STARD9: variants seen among roughly 807,000 people sequenced by gnomAD.
The protein encoded by STARD9 is StAR related lipid transfer domain containing 9.
STARD9 carries 346 observed loss-of-function variants against 399.8 expected under a neutral mutation model. That is an observed-to-expected ratio of 0.87 (90% CI 0.79 to 0.95). STARD9 has a LOEUF of 0.95. Ranked by LOEUF, STARD9 falls within the 40% of genes least tolerant of loss-of-function variation. The probability of loss-of-function intolerance (pLI) is 0.00; values close to 1 mark genes in which losing one functional copy is unlikely to be tolerated. For synonymous variants in STARD9, 2,203 were observed against 2,143.5 expected (o/e 1.03, Z -0.77); for missense variants, 5,832 against 5,667.5 (o/e 1.03, Z -0.93).
rs140844877 is a variant in STARD9, at chr15:42,624,594, G to C, written c.235-10262G>C. Among the ~76,000 whole-genome samples, 538 of 151,664 alleles carry C rather than the reference G, an allele frequency of 3.5e-3. 2 individuals carry two copies. Among genetic ancestry groups the C allele is most frequent in the Non-Finnish European group, 5.8e-3 (396 of 67,932 alleles). ...GACAGAGTCTCCCTCTGTCATCCAG[G>C]CTGGAGTGCAGTGACGCAATCTTGG... On this transcript the variant is annotated intron_variant, in intron 3 of 32. Coordinates refer to ENST00000290607, the MANE Select transcript of STARD9 (RefSeq NM_020759.3).
In STARD9 at chr15:42,663,638, T is replaced by G. The variant is rs2060032346; in HGVS notation, c.1078+148T>G. On this transcript the variant is annotated intron_variant, in intron 12 of 32. Transcript: ENST00000290607. The stretch of plus-strand genomic sequence containing the variant: ...GAGAAAGGGCCATGGCCCCAGTGAG[T>G]GGGATGCCAGAGCTGGATCTGTGTT... The G allele has an allele frequency of 6.5e-6, 4 of 614,592 alleles. No homozygotes were observed. In the South Asian group the frequency reaches 7.9e-5, roughly 12 times the overall value. The allele number at this position is 614,592 out of a possible 1,614,324, so 38.1% of individuals were successfully genotyped here.
chr15:42,619,698 A>G (rs1366297388), intron 3 of STARD9, among the ~76,000 whole-genome samples: 4 of 152,220 alleles, frequency 2.6e-5, no homozygotes, highest in African/African-American at 4.8e-5. Context: ...GAAGTGAGCA[A>G]TGGGAGAGTA....
chr15:42,620,688 C>T (rs2059073357), intron 3 of STARD9, among the ~76,000 whole-genome samples: 1 of 152,052 alleles, frequency 6.6e-6, no homozygotes, highest in Admixed American at 6.6e-5. Context: ...GATCTTAACA[C>T]TTACGAAGAT....
At chr15:42,628,918 T>C (rs548883046) in intron 3 of STARD9, among the ~76,000 whole-genome samples, 1 of 152,218 alleles carries the variant, frequency 6.6e-6, no homozygotes, top group Admixed American at 6.5e-5. Context: ...CTGGGTCTTC[T>C]GTGGTTCAAT....
intron 3 of STARD9, among the ~76,000 whole-genome samples, chr15:42,599,903 T>A (rs1360063501): frequency 6.6e-6 from 1 of 152,214 alleles, no homozygotes; most frequent in Admixed American, 6.5e-5. Flanking sequence ...TTAAGTGTTA[T>A]AATCGTACTT....
chr15:42,594,605 G>A (rs902284341), intron 3 of STARD9, among the ~76,000 whole-genome samples: 1 of 152,176 alleles, frequency 6.6e-6, no homozygotes, highest in Non-Finnish European at 1.5e-5. Context: ...CAGATTGAAG[G>A]TCTAGAGAGA....
intron 3 of STARD9, among the ~76,000 whole-genome samples, chr15:42,601,374 A>G (rs1433866563): frequency 6.6e-6 from 1 of 151,944 alleles, no homozygotes; most frequent in African/African-American, 2.4e-5. Context: ...TCAGTGAGCT[A>G]TTGGGTACAC....
chr15:42,666,597 G>A (rs1396947944), intron 15 of STARD9, among the ~76,000 whole-genome samples: 1 of 152,156 alleles, frequency 6.6e-6, no homozygotes, highest in Non-Finnish European at 1.5e-5. Context: ...TGAACTTGGT[G>A]TAAACAGGAT....
chr15:42,645,920 G>A (rs888893096), intron 7 of STARD9, among the ~76,000 whole-genome samples: 5 of 152,014 alleles, frequency 3.3e-5, no homozygotes, highest in Non-Finnish European at 5.9e-5. Context: ...AGCACTTTGG[G>A]AGGTTGAGGT....
chr15:42,582,216 A>G (rs1404030435), intron 1 of STARD9, among the ~76,000 whole-genome samples: 2 of 152,212 alleles, frequency 1.3e-5, no homozygotes, highest in Non-Finnish European at 2.9e-5. Context: ...CCTCTAGGTC[A>G]TAGCCTGGGA....
Position 42,685,856 on chromosome 15 carries a change from G to A in STARD9, c.4278G>A (p.Trp1426Ter), listed in dbSNP as rs1256675837. The A allele has an allele frequency of 1.3e-6, 2 of 1,537,104 alleles. No individual in the cohort carries two copies. The highest frequency in any genetic ancestry group is 2.0e-5 in the Admixed American group (1 of 51,004). ...SAADTSRLSL[W>*]GIQRLIQPGA... is the part of the protein sequence containing the mutation. The stretch of plus-strand genomic sequence containing the variant: ...CTGATACGTCTAGGCTGTCTCTCTG[G>A]GGAATTCAAAGGCTTATTCAACCAG... Residue 1426 changes from tryptophan (W) to a stop codon, truncating the protein, a stop_gained, in exon 23 of 33, where the codon TGG (tryptophan) becomes TGA (stop). Coordinates refer to ENST00000290607, the MANE Select transcript of STARD9 (RefSeq NM_020759.3). LOFTEE classifies it high-confidence loss of function.
chr15:42,580,459 G>A (rs1366401111), intron 1 of STARD9, among the ~76,000 whole-genome samples: 5 of 152,176 alleles, frequency 3.3e-5, no homozygotes, highest in South Asian at 2.1e-4. Flanking sequence ...CAAGAAGCCA[G>A]GCAGTTGTAG....
Position 42,630,508 on chromosome 15 carries a change from A to T in STARD9, c.235-4348A>T, listed in dbSNP as rs1595672203. On this transcript the variant is annotated intron_variant, in intron 3 of 32. Coordinates refer to ENST00000290607, the MANE Select transcript of STARD9 (RefSeq NM_020759.3). ...ATTTTTTTGGAGTAGTTTTAGTAGG[A>T]TTGGTATTAGTTCTTTAAATGTTTG... Among the ~76,000 whole-genome samples the T allele has an allele frequency of 2.6e-5, 4 of 152,108 alleles. No individual in the cohort carries two copies. In the South Asian group the frequency reaches 8.3e-4, roughly 32 times the overall value.
chr15:42,648,638 A>ATTAT (rs2059693095), intron 7 of STARD9, among the ~76,000 whole-genome samples: 1 of 152,098 alleles, frequency 6.6e-6, no homozygotes. Context: ...TGAACAGTTT[A>ATTAT]TTATGGTCTA....
chr15:42,719,031 G>A, intron 32 of STARD9, 121 bp downstream of exon 32: 1 of 832,618 alleles, frequency 1.2e-6, no homozygotes, highest in Non-Finnish European at 1.8e-6. Flanking sequence ...CCTGAGACCT[G>A]GAGACTTGAG....
intron 3 of STARD9, among the ~76,000 whole-genome samples, chr15:42,591,315 C>G (rs2141697624): frequency 6.6e-6 from 1 of 152,292 alleles, no homozygotes; most frequent in East Asian, 1.9e-4. Context: ...TGGCGAAACC[C>G]TGTCTCTACT....
At chr15:42,718,359 G>T (rs965690110) in intron 30 of STARD9, 76 bp from the exon 31 acceptor site, 2 of 1,329,316 alleles carry the variant, frequency 1.5e-6, no homozygotes, top group Admixed American at 2.0e-5. Flanking sequence ...TTGGGGGGAG[G>T]GCTCCCTGAC....
intron 3 of STARD9, among the ~76,000 whole-genome samples, chr15:42,618,711 C>T (rs548822639): frequency 1.5e-4 from 23 of 152,026 alleles, no homozygotes; most frequent in Admixed American, 6.5e-4. Flanking sequence ...ATTCTCCTGC[C>T]GCAGCCTCCC....
rs531389008 is a variant in STARD9 at position 42,681,410 on chromosome 15, C to A, written c.1875-12C>A. 3 of 1,534,014 alleles carry A rather than the reference C, an allele frequency of 2.0e-6. No individual in the cohort carries two copies. The highest frequency in any genetic ancestry group is 1.7e-4 in the Middle Eastern group (1 of 5,744). On this transcript the variant is annotated splice_polypyrimidine_tract_variant and intron_variant, in intron 20 of 32. Coordinates refer to ENST00000290607, the MANE Select transcript of STARD9 (RefSeq NM_020759.3). ...ATTTCCCCTTGGGTAACCTCAGCCG[C>A]TTCTGTGACAGGAGAGCGCTTGAAG...
Sources: allele counts gnomAD v4.1 joint callset (sites outside exome capture counted in the v4.1 genomes callset), GRCh38; gene constraint gnomAD v4.1.1; transcripts MANE v1.5; gene names NCBI Gene and HGNC (gene_info 2026-07-23, HGNC 2026-07-21).